CDH20: variants seen among roughly 807,000 people sequenced by gnomAD.
The protein encoded by CDH20 is cadherin-20.
In CDH20, 29 loss-of-function variants were observed where a neutral mutation model predicts 74.2. The observed-to-expected ratio is 0.39, with a 90% CI of 0.29 to 0.53. CDH20 has a LOEUF of 0.53. CDH20 is among the 20% of genes least tolerant of loss of function. The pLI is 0.69. For synonymous variants in CDH20, 469 were observed against 405.4 expected, an observed-to-expected ratio of 1.16 and a Z score of -1.88; for missense variants, 988 against 1,048.3, an observed-to-expected ratio of 0.94 and a Z score of 0.79.
At chr18:61,530,654 CA>C (rs1285360025) in intron 7 of CDH20, among the ~76,000 whole-genome samples, 1 of 152,112 alleles carries the variant, frequency 6.6e-6, no homozygotes, top group Non-Finnish European at 1.5e-5. Context: ...TTATAATCCC[CA>C]AAACAAAATC....
chr18:61,364,771 G>A (rs2144142299), intron 1 of CDH20, among the ~76,000 whole-genome samples: 1 of 152,342 alleles, frequency 6.6e-6, no homozygotes, highest in East Asian at 1.9e-4. Flanking sequence ...CCAGATGCCA[G>A]TCTTCCAGCC....
chr18:61,547,368 A>C (rs1913287017), intron 10 of CDH20, among the ~76,000 whole-genome samples: 1 of 152,168 alleles, frequency 6.6e-6, no homozygotes, highest in Non-Finnish European at 1.5e-5. Context: ...AATATAGGGC[A>C]GATCTACTGT....
Position 61,538,630 on chromosome 18 carries a change from T to TG in CDH20, c.1409-394_1409-393insG, listed in dbSNP as rs1314023016. Among the ~76,000 whole-genome samples the TG allele has an allele frequency of 5.9e-5, 7 of 117,770 alleles. 2 individuals carry two copies. Among genetic ancestry groups the TG allele is most frequent in the African/African-American group, 1.8e-4 (6 of 34,024 alleles). The allele number at this position is 117,770 out of a possible 152,430, so 77.3% of individuals were successfully genotyped here. ...TTTGTTTTTGTTTTTGTTTTGTTTT[T>TG]TTTTTTGAGACGGAGTCTTACTCTT... On this transcript the variant is annotated intron_variant, in intron 8 of 11. Transcript: ENST00000262717.
In CDH20 at chr18:61,553,263, G is replaced by GAA. The variant is rs3834618; in HGVS notation, c.1901-916_1901-915dup. Among the ~76,000 whole-genome samples the GAA allele has an allele frequency of 9.4e-4, 136 of 145,414 alleles. 1 individual carries two copies. The highest frequency in any genetic ancestry group is 2.2e-3 in the South Asian group (10 of 4,606). ...TCACCAGCTATAACAAAGCACACCA[G>GAA]AAAAAAAAAAAATCAATAGCAGTTC... On this transcript the variant is annotated intron_variant, in intron 11 of 11. Transcript: ENST00000262717.
chr18:61,367,517 G>A (rs1910900692), intron 1 of CDH20, among the ~76,000 whole-genome samples: 1 of 152,108 alleles, frequency 6.6e-6, no homozygotes, highest in Non-Finnish European at 1.5e-5. Flanking sequence ...TTTATTTCTG[G>A]AGGTCCTGTG....
intron 1 of CDH20, among the ~76,000 whole-genome samples, chr18:61,379,741 G>T (rs1911369205): frequency 6.6e-6 from 1 of 152,134 alleles, no homozygotes; most frequent in Non-Finnish European, 1.5e-5. Flanking sequence ...ATACAAAATA[G>T]TATTGTTGGA....
chr18:61,441,536 C>T (rs1241922993), intron 1 of CDH20, among the ~76,000 whole-genome samples: 2 of 152,038 alleles, frequency 1.3e-5, no homozygotes, highest in Non-Finnish European at 2.9e-5. Context: ...AGACTTTACA[C>T]ACAGAAAGTT....
intron 1 of CDH20, among the ~76,000 whole-genome samples, chr18:61,459,883 G>T (rs1909710822): frequency 1.3e-5 from 2 of 152,154 alleles, no homozygotes; most frequent in Non-Finnish European, 1.5e-5. Context: ...AGAGTGAAAG[G>T]CTGTAACTCT....
Position 61,453,220 on chromosome 18 carries a change from T to A in CDH20, c.-152-37182T>A, listed in dbSNP as rs544129577. ...ATTAATCTGACCTCCATTTCTATAATTTTGTCATTCCAAAAATGTTATACA... is the reference window on the plus strand; with the variant it reads ...ATTAATCTGACCTCCATTTCTATAAATTTGTCATTCCAAAAATGTTATACA... On this transcript the variant is annotated intron_variant, in intron 1 of 11. Coordinates refer to ENST00000262717, the MANE Select transcript of CDH20 (RefSeq NM_031891.4). 1.8e-4 allele frequency among the ~76,000 whole-genome samples: 28 copies of A among 152,308 alleles called. No individual in the cohort carries two copies. The East Asian group carries it at 4.4e-3, about 24-fold the overall frequency.
intron 1 of CDH20, among the ~76,000 whole-genome samples, chr18:61,482,660 C>CAT (rs1910627909): frequency 1.3e-5 from 2 of 150,782 alleles, no homozygotes; most frequent in East Asian, 3.9e-4. Context: ...TTTTTTTTTA[C>CAT]ATATATATAT....
intron 1 of CDH20, among the ~76,000 whole-genome samples, chr18:61,403,523 C>T (rs961552428): frequency 6.6e-6 from 1 of 152,162 alleles, no homozygotes; most frequent in African/African-American, 2.4e-5. Context: ...TAAGTAATTT[C>T]TACTTCAGTC....
At chr18:61,493,670 A>C (rs1911037513) in intron 2 of CDH20, among the ~76,000 whole-genome samples, 1 of 152,194 alleles carries the variant, frequency 6.6e-6, no homozygotes, top group African/African-American at 2.4e-5. Flanking sequence ...AATTCCTCAA[A>C]GTTTTAGCTT....
intron 1 of CDH20, among the ~76,000 whole-genome samples, chr18:61,373,197 T>A (rs1911102687): frequency 6.6e-6 from 1 of 152,062 alleles, no homozygotes; most frequent in Non-Finnish European, 1.5e-5. Flanking sequence ...AATGTAATTC[T>A]AAGGCAGGAT....
At chr18:61,502,597 C>T (rs1911420734) in intron 4 of CDH20, among the ~76,000 whole-genome samples, 1 of 152,068 alleles carries the variant, frequency 6.6e-6, no homozygotes, top group African/African-American at 2.4e-5. Flanking sequence ...GTTTTCTGGA[C>T]CCAAAGCCCC....
In CDH20 at chr18:61,473,900, T is replaced by C. The variant is rs77215756; in HGVS notation, c.-152-16502T>C. On this transcript the variant is annotated intron_variant, in intron 1 of 11. Transcript: ENST00000262717. ...ATCTAGAATCAAGCATCATCATCAA[T>C]TGATTGCACTTGGAAAAGGTAGCTC... Among the ~76,000 whole-genome samples, 1,035 of 152,364 alleles carry C rather than the reference T, an allele frequency of 6.8e-3. 11 individuals are homozygous for C. The highest frequency in any genetic ancestry group is 0.021 in the African/African-American group (892 of 41,596).
Position 61,539,020 on chromosome 18 carries a change from T to C in CDH20, c.1409-4T>C, listed in dbSNP as rs1288234913. The C allele has an allele frequency of 6.2e-7, 1 of 1,613,838 alleles. No individual in the cohort carries two copies. Among genetic ancestry groups the C allele is most frequent in the Non-Finnish European group, 8.5e-7 (1 of 1,179,920 alleles). On this transcript the variant is annotated splice_polypyrimidine_tract_variant and splice_region_variant and intron_variant, in intron 8 of 11. Transcript: ENST00000262717. Reference sequence around the variant, plus strand: ...AGATTTGGTTTTCCTTGTGTTCCCTTTAGACAATCCCTCCCAGGTTGGAAG... The same window carrying C: ...AGATTTGGTTTTCCTTGTGTTCCCTCTAGACAATCCCTCCCAGGTTGGAAG...
At chr18:61,513,760 G>C (rs1339303680) in intron 6 of CDH20, among the ~76,000 whole-genome samples, 2 of 152,224 alleles carry the variant, frequency 1.3e-5, no homozygotes, top group East Asian at 3.9e-4. Context: ...CACTTATGAA[G>C]CTTAGTTTGG....
intron 1 of CDH20, among the ~76,000 whole-genome samples, chr18:61,456,895 A>G (rs1053894320): frequency 2.0e-5 from 3 of 152,122 alleles, no homozygotes; most frequent in Non-Finnish European, 4.4e-5. Context: ...GACAGAAATC[A>G]TCTCCCTTGT....
intron 1 of CDH20, among the ~76,000 whole-genome samples, chr18:61,459,933 G>A (rs1909712115): frequency 6.6e-6 from 1 of 152,154 alleles, no homozygotes; most frequent in Non-Finnish European, 1.5e-5. Context: ...GGTGTCTGGG[G>A]AAGGAGAGAC....
Sources: allele counts gnomAD v4.1 joint callset (sites outside exome capture counted in the v4.1 genomes callset), GRCh38; gene constraint gnomAD v4.1.1; transcripts MANE v1.5; gene names NCBI Gene and HGNC (gene_info 2026-07-23, HGNC 2026-07-21).